HERC2: variants seen among roughly 807,000 people sequenced by gnomAD.
HERC2 encodes the protein E3 ubiquitin-protein ligase HERC2.
In HERC2, 102 loss-of-function variants were observed where a neutral mutation model predicts 537.7. That is an observed-to-expected ratio of 0.19 (90% CI 0.16 to 0.22). HERC2 has a LOEUF of 0.22. HERC2 is among the 10% of genes least tolerant of loss of function. The probability of loss-of-function intolerance (pLI) is 1.00; values close to 1 mark genes in which losing one functional copy is unlikely to be tolerated. For synonymous variants in HERC2, 2,224 were observed against 2,466.2 expected (o/e 0.90, Z 2.91); for missense variants, 4,236 against 6,198.2 (o/e 0.68, Z 10.63).
chr15:28,244,700 C>T (rs544830043), intron 23 of HERC2, among the ~76,000 whole-genome samples: 36 of 152,256 alleles, frequency 2.4e-4, no homozygotes, highest in Admixed American at 1.9e-3. Context: ...GGACTAAGCT[C>T]ACTCCTTAAC....
intron 1 of HERC2, among the ~76,000 whole-genome samples, 193 bp downstream of exon 1, chr15:28,321,882 G>C (rs2077240026): frequency 6.9e-6 from 1 of 145,450 alleles, no homozygotes. Flanking sequence ...TTACTCAAAA[G>C]GATCGCCTGC....
intron 4 of HERC2, among the ~76,000 whole-genome samples, chr15:28,287,633 C>T (rs989149494): frequency 6.6e-6 from 1 of 151,922 alleles, no homozygotes; most frequent in Non-Finnish European, 1.5e-5. Context: ...TGCATTACTT[C>T]ATGTCAGTTG....
Position 28,163,094 on chromosome 15 carries a change from C to G in HERC2, c.10746G>C (p.Gln3582His). ...VLSGMGTAYP[Q>H]VADMLLELCV... ...CGGCCCCGCCCTCCCTGAGACTCAC[C>G]TGTGGGTAGGCGGTCCCCATGCCGG... The change falls in exon 69 of 93, where the codon CAG (glutamine) becomes CAC (histidine). Residue 3582 changes from glutamine to histidine, a missense_variant and splice_region_variant. Physicochemically the swap from Gln to His is conservative, Grantham distance 24. Coordinates refer to ENST00000261609, the MANE Select transcript of HERC2 (RefSeq NM_004667.6). The G allele has an allele frequency of 6.2e-7, 1 of 1,608,144 alleles. No homozygotes were observed. The highest frequency in any genetic ancestry group is 8.5e-7 in the Non-Finnish European group (1 of 1,178,950).
chr15:28,269,983 T>C (rs1375665992), intron 10 of HERC2, among the ~76,000 whole-genome samples: 1 of 152,208 alleles, frequency 6.6e-6, no homozygotes, highest in East Asian at 1.9e-4. Flanking sequence ...TTTGTTGAGA[T>C]GGGGTTTCAC....
At chr15:28,159,025 G>A (rs112906191) in intron 69 of HERC2, among the ~76,000 whole-genome samples, 2 of 152,138 alleles carry the variant, frequency 1.3e-5, no homozygotes, top group Non-Finnish European at 2.9e-5. Flanking sequence ...TGAAATTCTG[G>A]GTTGAAAATT....
chr15:28,224,017 G>A (rs1313662015), intron 35 of HERC2, among the ~76,000 whole-genome samples: 38 of 151,878 alleles, frequency 2.5e-4, no homozygotes, highest in Admixed American at 2.5e-3. Flanking sequence ...ACTTTTGGTT[G>A]CTAATGAGGC....
At position 28,114,770 on chromosome 15, in the gene HERC2, G is replaced by A. The variant is rs1235467412; in HGVS notation, c.13755C>T (p.Tyr4585=). 6.2e-7 allele frequency: 1 copy of A among 1,614,026 alleles called. No homozygotes were observed. The highest frequency in any genetic ancestry group is 1.1e-5 in the South Asian group (1 of 91,066). Residue 4585 remains tyrosine, a synonymous_variant, in exon 90 of 93, where the codon TAC becomes TAT. Transcript: ENST00000261609. The part of the protein sequence containing the change: ...VDKDFIPGLM[Y]IRDNEATSEE... ...CTGAGGTGGCTTCATTGTCTCGGAT[G>A]TACATGAGTCCAGGAATAAAATCCT...
intron 86 of HERC2, among the ~76,000 whole-genome samples, chr15:28,120,074 C>G (rs1888710558): frequency 6.6e-6 from 1 of 152,192 alleles, no homozygotes; most frequent in Admixed American, 6.5e-5. Flanking sequence ...AACGCAGAAG[C>G]CATCAGCTGG....
chr15:28,163,269 T>C lies in HERC2; in HGVS notation c.10571A>G (p.Asn3524Ser), dbSNP rs1893801866. Residue 3524 changes from asparagine (N) to serine (S), a missense_variant, in exon 69 of 93, where the codon AAT becomes AGT. By Grantham distance (46) the Asn-to-Ser change is conservative (BLOSUM62 1). Around this residue, in one of 27 missense-constraint regions of HERC2, gnomAD observed 356 missense variants for 450.9 expected, o/e 0.79. Coordinates refer to ENST00000261609, the MANE Select transcript of HERC2 (RefSeq NM_004667.6). ...TKTKEDVESQ[N>S]KAAGPEPQAL... ...CTGAGGCTCCGGACCTGCTGCTTTATTTTGGCTTTCAACATCCTAAGTCAA... is the reference window on the plus strand; with the variant it reads ...CTGAGGCTCCGGACCTGCTGCTTTACTTTGGCTTTCAACATCCTAAGTCAA... 1 of 1,613,054 alleles carries C rather than the reference T, an allele frequency of 6.2e-7. No individual in the cohort carries two copies.
At chr15:28,301,841 C>T (rs1257486529) in intron 2 of HERC2, among the ~76,000 whole-genome samples, 1 of 125,792 alleles carries the variant, frequency 7.9e-6, no homozygotes, top group Non-Finnish European at 1.6e-5. Flanking sequence ...CGTTCTGGCA[C>T]TAAGCTGGAG....
chr15:28,111,664 C>A lies in HERC2; in HGVS notation c.*99G>T. 7.6e-7 allele frequency: 1 copy of A among 1,320,408 alleles called. No homozygotes were observed. The allele number at this position is 1,320,408 out of a possible 1,614,324, so 81.8% of individuals were successfully genotyped here. A position where few individuals can be genotyped will look rare whatever the true frequency, so the allele number is the denominator to read the frequency against. ...TCCTCCCGCCTGGCTCGAGGACGGA[C>A]GCTTCTCATCAGACACACCAGGCAG... On this transcript the variant is annotated 3_prime_UTR_variant, in exon 93 of 93. Coordinates refer to ENST00000261609, the MANE Select transcript of HERC2 (RefSeq NM_004667.6).
In HERC2 at chr15:28,113,457, T is replaced by A; in HGVS notation, c.14019+116A>T. On this transcript the variant is annotated intron_variant, in intron 91 of 92. Transcript: ENST00000261609. This position sits in a 1 kb window ranked among gnomAD's most constrained non-coding sequence, Gnocchi z 7.0. ...GGCGGGTGGAGGGACGCGCTCAGAG[T>A]GCACTCCCTTCAGTCAACACACAGG... 9.3e-7 allele frequency: 1 copy of A among 1,074,736 alleles called. No individual in the cohort carries two copies. The highest frequency in any genetic ancestry group is 1.4e-6 in the Non-Finnish European group (1 of 715,054). The allele number at this position is 1,074,736 out of a possible 1,614,324, so 66.6% of individuals were successfully genotyped here. A position where few individuals can be genotyped will look rare whatever the true frequency, so the allele number is the denominator to read the frequency against.
chr15:28,125,196 G>A lies in HERC2; in HGVS notation c.12803-3C>T, dbSNP rs762974434. On this transcript the variant is annotated splice_region_variant and splice_polypyrimidine_tract_variant and intron_variant, in intron 83 of 92. Transcript: ENST00000261609. ...GTCGCCCCATGTATAAACCTCACCT[G>A]AATGAAGTGAATTTAGAATCAGAAC... 3 of 1,600,064 alleles carry A rather than the reference G, an allele frequency of 1.9e-6. No individual in the cohort carries two copies. Among genetic ancestry groups the A allele is most frequent in the Admixed American group, 3.3e-5 (2 of 59,856 alleles).
In HERC2 at chr15:28,229,360, A is replaced by G. The variant is rs771657541; in HGVS notation, c.5121-14T>C. On this transcript the variant is annotated splice_polypyrimidine_tract_variant and intron_variant, in intron 33 of 92. Coordinates refer to ENST00000261609, the MANE Select transcript of HERC2 (RefSeq NM_004667.6). ...GTAAGAGGTTCCCTTTCAAATAAAG[A>G]TAAAGAATTTGACTTGGGACACTGC... The G allele has an allele frequency of 1.7e-5, 28 of 1,612,496 alleles. No homozygotes were observed. The East Asian group carries it at 3.8e-4, about 22-fold the overall frequency.
chr15:28,255,134 G>A (rs1480236359), intron 19 of HERC2, among the ~76,000 whole-genome samples: 4 of 152,032 alleles, frequency 2.6e-5, no homozygotes, highest in African/African-American at 9.7e-5. Flanking sequence ...CCAGGAGTTC[G>A]AGACCAGCCT....
chr15:28,246,939 T>A (rs941148290), intron 21 of HERC2, 42 bp from the exon 22 acceptor site: 37 of 1,565,306 alleles, frequency 2.4e-5, no homozygotes, highest in Non-Finnish European at 3.0e-5. Flanking sequence ...ACTACTAAAA[T>A]TTTTCTTTGT....
At chr15:28,174,150 G>T (rs59576796) in intron 65 of HERC2, among the ~76,000 whole-genome samples, 3 of 151,312 alleles carry the variant, frequency 2.0e-5, no homozygotes, top group Non-Finnish European at 4.4e-5. Flanking sequence ...TGTTCACACA[G>T]AAGGACAGCG....
chr15:28,117,445 C>T (rs1401676785), intron 86 of HERC2: 1 of 670,844 alleles, frequency 1.5e-6, no homozygotes. Flanking sequence ...CACACACCAC[C>T]ACCACGTCCA....
At chr15:28,306,106 T>C (rs897940231) in intron 2 of HERC2, among the ~76,000 whole-genome samples, 12 of 152,342 alleles carry the variant, frequency 7.9e-5, no homozygotes, top group African/African-American at 2.4e-4. Context: ...CATTATTATA[T>C]TGAATAACAG....
Sources: gnomAD v4.1 joint callset for allele counts (sites outside exome capture counted in the v4.1 genomes callset) on GRCh38, gnomAD v4.1.1 for gene constraint, gnomAD v4.1.1 regional missense constraint, Gnocchi (gnomAD v3.1) non-coding constraint, MANE v1.5 for transcripts, NCBI Gene and HGNC (gene_info 2026-07-23, HGNC 2026-07-21) for gene names.